Variants in DIAPH2 observed in about 807,000 individuals in gnomAD.
DIAPH2 encodes protein diaphanous homolog 2.
DIAPH2 carries 35 observed loss-of-function variants against 92.7 expected under a neutral mutation model. The ratio of observed to expected loss-of-function variants is 0.38; its 90% CI spans 0.29 to 0.50. DIAPH2 has a LOEUF of 0.50. Ranked by LOEUF, DIAPH2 falls within the 20% of genes least tolerant of loss-of-function variation. The pLI, the probability that DIAPH2 is intolerant of heterozygous loss-of-function variation, is 0.94. For synonymous variants in DIAPH2, 301 were observed against 280.4 expected (o/e 1.07, Z -0.73); for missense variants, 701 against 819.5 (o/e 0.86, Z 1.77).
intron 13 of DIAPH2, among the ~76,000 whole-genome samples, chrX:96,943,735 G>T (rs1267276980): frequency 9.0e-6 from 1 of 111,108 alleles, no homozygotes; most frequent in Non-Finnish European, 1.9e-5. Flanking sequence ...GTAGTATTCA[G>T]TATTCAACAG....
chrX:97,416,810 A>G (rs188531624), intron 25 of DIAPH2, among the ~76,000 whole-genome samples: 1 of 112,209 alleles, frequency 8.9e-6, no homozygotes, highest in South Asian at 3.7e-4. Context: ...GCCATATAAC[A>G]TGTTTATCAA....
chrX:97,282,346 T>G (rs1400816225), intron 23 of DIAPH2, among the ~76,000 whole-genome samples: 1 of 111,587 alleles, frequency 9.0e-6, no homozygotes, highest in Admixed American at 9.6e-5. Context: ...TGGGCTGGAG[T>G]GCAGTGGCGC....
intron 17 of DIAPH2, among the ~76,000 whole-genome samples, chrX:96,973,876 G>A (rs1042388525): frequency 3.6e-5 from 4 of 109,993 alleles, no homozygotes; most frequent in African/African-American, 1.3e-4. Flanking sequence ...TGTATTTTTA[G>A]TAGAGACGGG....
At chrX:97,306,666 A>G (rs183494598) in intron 23 of DIAPH2, among the ~76,000 whole-genome samples, 90 of 110,698 alleles carry the variant, frequency 8.1e-4, no homozygotes, top group African/African-American at 2.8e-3. Context: ...TACACTCTCT[A>G]ATTTCTTTGT....
chrX:97,066,030 T>C (rs1569292830), intron 17 of DIAPH2, among the ~76,000 whole-genome samples: 1 of 111,481 alleles, frequency 9.0e-6, no homozygotes, highest in Admixed American at 9.5e-5. Context: ...GTCAAAAGTT[T>C]AAAAAAAACA....
intron 25 of DIAPH2, among the ~76,000 whole-genome samples, chrX:97,393,175 C>CATGA (rs1293056692): frequency 9.0e-6 from 1 of 111,064 alleles, no homozygotes; most frequent in Non-Finnish European, 1.9e-5. Context: ...AGGGAGTGAG[C>CATGA]TCATACCTGA....
chrX:97,318,124 A>G (rs1256367015), intron 23 of DIAPH2, among the ~76,000 whole-genome samples: 1 of 110,998 alleles, frequency 9.0e-6, no homozygotes, highest in Non-Finnish European at 1.9e-5. Context: ...AGTCTCAACC[A>G]CTGGTCTATC....
At chrX:96,816,837 C>T (rs1463585218) in intron 4 of DIAPH2, among the ~76,000 whole-genome samples, 1 of 112,247 alleles carries the variant, frequency 8.9e-6, no homozygotes, top group Non-Finnish European at 1.9e-5. Context: ...TGTTCATGAA[C>T]AGATGAATGC....
intron 4 of DIAPH2, among the ~76,000 whole-genome samples, chrX:96,870,158 A>C (rs1273550004): frequency 1.8e-5 from 2 of 111,733 alleles, no homozygotes; most frequent in Admixed American, 9.5e-5. Flanking sequence ...CAGAAGAAAA[A>C]ATGGTTTTAG....
chrX:97,518,057 A>T (rs2147843184), intron 26 of DIAPH2, among the ~76,000 whole-genome samples: 1 of 112,212 alleles, frequency 8.9e-6, no homozygotes, highest in African/African-American at 3.2e-5. Context: ...TGCCCTTGGC[A>T]CTGGGAATGC....
chrX:97,347,599 G>C (rs991632509), intron 23 of DIAPH2, among the ~76,000 whole-genome samples: 6 of 110,874 alleles, frequency 5.4e-5, no homozygotes, highest in Non-Finnish European at 1.1e-4. Context: ...ATATTGAATA[G>C]TTCTGCCTAA....
intron 5 of DIAPH2, among the ~76,000 whole-genome samples, chrX:96,895,648 T>C (rs951850143): frequency 5.3e-5 from 6 of 112,219 alleles, no homozygotes; most frequent in Non-Finnish European, 9.4e-5. Flanking sequence ...ATTTTTTCAC[T>C]TGTGATATCT....
chrX:97,319,414 A>T (rs1818001473), intron 23 of DIAPH2, among the ~76,000 whole-genome samples: 1 of 104,974 alleles, frequency 9.5e-6, no homozygotes, highest in Non-Finnish European at 1.9e-5. Context: ...TTTGAGACGG[A>T]GTCTCGCTCT....
rs148493578 is a variant in DIAPH2, at chrX:97,418,561, G to T, written c.3146-11089G>T. On this transcript the variant is annotated intron_variant, in intron 25 of 26. Coordinates refer to ENST00000324765, the MANE Select transcript of DIAPH2 (RefSeq NM_006729.5). ...TTGACCTCCTGATGGTGCTCTGGAA[G>T]CCAAAATGATTCCTTTCCCTCTCAC... Among the ~76,000 whole-genome samples the T allele has an allele frequency of 4.8e-3, 538 of 112,067 alleles. 1 individual carries two copies. The highest frequency in any genetic ancestry group is 0.016 in the African/African-American group (502 of 30,830).
intron 22 of DIAPH2, among the ~76,000 whole-genome samples, chrX:97,225,336 G>C (rs1427965994): frequency 9.0e-6 from 1 of 111,090 alleles, no homozygotes; most frequent in Admixed American, 9.6e-5. Context: ...TGGTTTAGAG[G>C]GTACCCTTCG....
At chrX:96,814,830 C>A (rs1018776456) in intron 4 of DIAPH2, among the ~76,000 whole-genome samples, 6 of 111,784 alleles carry the variant, frequency 5.4e-5, no homozygotes, top group African/African-American at 2.0e-4. Flanking sequence ...CCACTGCACA[C>A]CCTGTTTGCC....
intron 26 of DIAPH2, among the ~76,000 whole-genome samples, chrX:97,560,090 A>T (rs151086119): frequency 1.3e-3 from 145 of 111,697 alleles, no homozygotes; most frequent in African/African-American, 4.4e-3. Context: ...CCTGAAGGTG[A>T]CCCATATGCC....
At chrX:96,801,521 T>C (rs2064582414) in intron 4 of DIAPH2, among the ~76,000 whole-genome samples, 3 of 111,505 alleles carry the variant, frequency 2.7e-5, no homozygotes, top group Non-Finnish European at 5.7e-5. Flanking sequence ...CATAAGATTA[T>C]GAAACTTTTA....
At chrX:97,496,367 G>A (rs1403960362) in intron 26 of DIAPH2, among the ~76,000 whole-genome samples, 7 of 107,828 alleles carry the variant, frequency 6.5e-5, no homozygotes, top group Admixed American at 9.9e-5. Flanking sequence ...TAGAGACAGG[G>A]TTTCTCCATG....
Sources: gnomAD v4.1 joint callset for allele counts (sites outside exome capture counted in the v4.1 genomes callset) on GRCh38, gnomAD v4.1.1 for gene constraint, MANE v1.5 for transcripts, NCBI Gene and HGNC (gene_info 2026-07-23, HGNC 2026-07-21) for gene names.